C20orf96: variants seen among roughly 807,000 people sequenced by gnomAD.
C20orf96 encodes chromosome 20 open reading frame 96, also known as uncharacterized protein C20orf96.
C20orf96 carries 57 observed loss-of-function variants against 52.6 expected under a neutral mutation model. The ratio of observed to expected loss-of-function variants is 1.08; its 90% confidence interval spans 0.88 to 1.35. The LOEUF (loss-of-function observed/expected upper bound fraction) is 1.35. C20orf96 is among the 40% of genes most tolerant of loss of function. The pLI is 0.00. For missense variants in C20orf96, 478 were observed against 443.6 expected, an observed-to-expected ratio of 1.08 and a Z score of -0.70; for synonymous variants, 168 against 157.2, an observed-to-expected ratio of 1.07 and a Z score of -0.51.
chr20:271,156 C>G lies in C20orf96; in HGVS notation c.*51G>C. On this transcript the variant is annotated 3_prime_UTR_variant, in exon 11 of 11. Coordinates refer to ENST00000360321, the MANE Select transcript of C20orf96 (RefSeq NM_153269.3). ...TCCTGGAAGTAAATGATCCAAGGCT[C>G]CAGGTGCTGGGAAGAGAGCAGGAGG... is the stretch of plus-strand genomic sequence containing the variant. 6.9e-7 allele frequency: 1 copy of G among 1,453,868 alleles called. No homozygotes were observed. The highest frequency in any genetic ancestry group is 9.4e-7 in the Non-Finnish European group (1 of 1,058,584). 90.1% of individuals were successfully genotyped at this position (1,453,868 alleles called of 1,614,324 possible).
chr20:290,332 A>T, intron 1 of C20orf96, 25 bp from the exon 2 acceptor site: 1 of 1,611,436 alleles, frequency 6.2e-7, no homozygotes, highest in South Asian at 1.1e-5. Context: ...GAAGGGAAAG[A>T]ACTTCCATTA....
At chr20:276,585 T>C in intron 9 of C20orf96, 1 of 985,394 alleles carries the variant, frequency 1.0e-6, no homozygotes, top group African/African-American at 1.7e-5. Context: ...CATTGCTGGC[T>C]AATGAGGCAA....
intron 1 of C20orf96, 58 bp from the exon 2 acceptor site, chr20:290,365 G>A (rs767249443): frequency 6.3e-7 from 1 of 1,596,852 alleles, no homozygotes; most frequent in Non-Finnish European, 8.5e-7. Context: ...GGGGCAGCAA[G>A]CAGCAATTCG....
At chr20:278,295 G>C (rs372697680) in intron 6 of C20orf96, 35 bp downstream of exon 6, 16 of 1,514,102 alleles carry the variant, frequency 1.1e-5, no homozygotes, top group Non-Finnish European at 1.4e-5. Context: ...AAGGTGCCAG[G>C]GGGGAGGGTC....
chr20:282,155 C>T (rs1290497146), intron 4 of C20orf96, among the ~76,000 whole-genome samples: 1 of 152,194 alleles, frequency 6.6e-6, no homozygotes, highest in African/African-American at 2.4e-5. Flanking sequence ...ACTGAAACAG[C>T]AGCACTAGGG....
intron 2 of C20orf96, among the ~76,000 whole-genome samples, chr20:290,016 A>C (rs1361501457): frequency 6.6e-6 from 1 of 152,212 alleles, no homozygotes; most frequent in East Asian, 1.9e-4. Context: ...AGGAAACCAG[A>C]GCAGCAATCA....
intron 10 of C20orf96, among the ~76,000 whole-genome samples, chr20:273,676 G>A (rs565266710): frequency 6.6e-6 from 1 of 151,900 alleles, no homozygotes; most frequent in Middle Eastern, 3.2e-3. Flanking sequence ...AGGAGTTTGA[G>A]ACCAGCCTGG....
chr20:290,583 T>TTTA lies in C20orf96; in HGVS notation c.20+7_20+8insTAA. 6 of 1,583,712 alleles carry TTTA rather than the reference T, an allele frequency of 3.8e-6. No individual in the cohort carries two copies. The highest frequency in any genetic ancestry group is 1.7e-4 in the Middle Eastern group (1 of 5,716). ...TTCCAATTTTTTTTTTTTTTTTTTTTTACCTACTTTTGTAAGACATGCGCC... is the reference window on the plus strand; with the variant it reads ...TTCCAATTTTTTTTTTTTTTTTTTTTTTATACCTACTTTTGTAAGACATGCGCC... On this transcript the variant is annotated splice_region_variant and intron_variant, in intron 1 of 10. Transcript: ENST00000360321.
In C20orf96 at chr20:270,973, C is replaced by T. The variant is rs549078821; in HGVS notation, c.*234G>A. 1 of 515,212 alleles carries T rather than the reference C, an allele frequency of 1.9e-6. No homozygotes were observed. The highest frequency in any genetic ancestry group is 3.4e-6 in the Non-Finnish European group (1 of 294,804). 31.9% of individuals were successfully genotyped at this position (515,212 alleles called of 1,614,324 possible). A position where few individuals can be genotyped will look rare whatever the true frequency, so the allele number is the denominator to read the frequency against. ...AAGAAGGGAAGAAGAGAGGAAAAAA[C>T]CACAGGAAGAAAGAAAGGAGGGAGG... On this transcript the variant is annotated 3_prime_UTR_variant, in exon 11 of 11. Coordinates refer to ENST00000360321, the MANE Select transcript of C20orf96 (RefSeq NM_153269.3).
chr20:271,071 G>A lies in C20orf96; in HGVS notation c.*136C>T. The A allele has an allele frequency of 5.9e-6, 4 of 681,348 alleles. No individual in the cohort carries two copies. The highest frequency in any genetic ancestry group is 2.5e-5 in the Admixed American group (1 of 40,114). 42.2% of individuals were successfully genotyped at this position (681,348 alleles called of 1,614,324 possible). Reference sequence around the variant, plus strand: ...GGAGGGAGGGAGGGAGGGAAAGAAAGAGGGAGGAAGGGCAGAGGGAGCAGG... The same window carrying A: ...GGAGGGAGGGAGGGAGGGAAAGAAAAAGGGAGGAAGGGCAGAGGGAGCAGG... On this transcript the variant is annotated 3_prime_UTR_variant, in exon 11 of 11. Coordinates refer to ENST00000360321, the MANE Select transcript of C20orf96 (RefSeq NM_153269.3).
chr20:286,656 C>T (rs946667024), intron 3 of C20orf96, among the ~76,000 whole-genome samples: 1 of 152,078 alleles, frequency 6.6e-6, no homozygotes, highest in Admixed American at 6.6e-5. Flanking sequence ...GTACCCTTTA[C>T]CCAGTTTCTC....
In C20orf96 at chr20:283,203, C is replaced by T. The variant is rs143635970; in HGVS notation, c.306+760G>A. 2.8e-3 allele frequency among the ~76,000 whole-genome samples: 430 copies of T among 152,098 alleles called. 4 individuals carry two copies. The highest frequency in any genetic ancestry group is 9.4e-3 in the African/African-American group (392 of 41,506). On this transcript the variant is annotated intron_variant, in intron 4 of 10. Transcript: ENST00000360321. ...ACAGAAGCCATAAAACAATGTATAG[C>T]GAGGAAATTAATTACCTACAATTGT...
chr20:271,074 G>A lies in C20orf96; in HGVS notation c.*133C>T. On this transcript the variant is annotated 3_prime_UTR_variant, in exon 11 of 11. Coordinates refer to ENST00000360321, the MANE Select transcript of C20orf96 (RefSeq NM_153269.3). ...GGGAGGGAGGGAGGGAAAGAAAGAGGGAGGAAGGGCAGAGGGAGCAGGGAG... is the reference window on the plus strand; with the variant it reads ...GGGAGGGAGGGAGGGAAAGAAAGAGAGAGGAAGGGCAGAGGGAGCAGGGAG... 1 of 696,630 alleles carries A rather than the reference G, an allele frequency of 1.4e-6. No homozygotes were observed. Among genetic ancestry groups the A allele is most frequent in the Admixed American group, 2.4e-5 (1 of 41,126 alleles). 43.2% of individuals were successfully genotyped at this position (696,630 alleles called of 1,614,324 possible).
At chr20:278,862 C>G (rs1568490979) in intron 5 of C20orf96, among the ~76,000 whole-genome samples, 1 of 125,772 alleles carries the variant, frequency 8.0e-6, no homozygotes, top group Non-Finnish European at 1.6e-5. Flanking sequence ...TGAAGAAATG[C>G]GTCTTCCAGG....
rs535581428 is a variant in C20orf96 at position 271,213 on chromosome 20, G to A, written c.1086C>T (p.Pro362=). 2 of 1,555,270 alleles carry A rather than the reference G, an allele frequency of 1.3e-6. No individual in the cohort carries two copies. The highest frequency in any genetic ancestry group is 4.8e-5 in the East Asian group (2 of 41,394). ...ILNIPVEEPL[P]F The stretch of plus-strand genomic sequence containing the variant: ...CGGCCCATGGCACTGCCATCTAGAA[G>A]GGTAGTGGCTCTTCCACAGGAATGT... Residue 362 remains proline (P), a synonymous_variant, in exon 11 of 11, where the codon CCC becomes CCT. Transcript: ENST00000360321.
chr20:288,174 C>CTTT (rs1237648367), intron 3 of C20orf96, among the ~76,000 whole-genome samples: 13 of 66,048 alleles, frequency 2.0e-4, no homozygotes, highest in East Asian at 1.1e-3. Flanking sequence ...TTTTCTTTTT[C>CTTT]TTTTTTTTTT....
chr20:290,214 G>A (rs371095248), intron 2 of C20orf96, 45 bp downstream of exon 2: 3 of 1,491,048 alleles, frequency 2.0e-6, no homozygotes, highest in African/African-American at 2.8e-5. Flanking sequence ...GTGGACTGCA[G>A]GGCCAGCGAG....
intron 10 of C20orf96, among the ~76,000 whole-genome samples, chr20:273,266 C>T (rs1407117956): frequency 6.6e-6 from 1 of 152,238 alleles, no homozygotes; most frequent in East Asian, 1.9e-4. Context: ...TGAGCCACCA[C>T]ACCCAGCCCA....
In C20orf96 at chr20:278,142, C is replaced by T. The variant is rs181727487; in HGVS notation, c.565+188G>A. Among the ~76,000 whole-genome samples, 121 of 152,302 alleles carry T rather than the reference C, an allele frequency of 7.9e-4. No individual in the cohort carries two copies. In the East Asian group the frequency reaches 0.012, roughly 15 times the overall value. On this transcript the variant is annotated intron_variant, in intron 6 of 10. Coordinates refer to ENST00000360321, the MANE Select transcript of C20orf96 (RefSeq NM_153269.3). ...GCAGACATTGGTAGAGACCCAGATA[C>T]GGGGCCTGGAAAGAGCTAAGTGTTG... is the stretch of plus-strand genomic sequence containing the variant.
Sources: gnomAD v4.1 joint callset for allele counts (sites outside exome capture counted in the v4.1 genomes callset) on GRCh38, gnomAD v4.1.1 for gene constraint, MANE v1.5 for transcripts, NCBI Gene and HGNC (gene_info 2026-07-23, HGNC 2026-07-21) for gene names.